The following RAP2A variants were observed in gnomAD, a reference collection of about 807,000 sequenced individuals.
RAP2A encodes RAP2A, member of RAS oncogene family.
RAP2A carries 5 observed loss-of-function variants against 15.1 expected under a neutral mutation model. The ratio of observed to expected loss-of-function variants is 0.33; its 90% CI spans 0.17 to 0.70. The LOEUF is 0.70. Ranked by LOEUF, RAP2A falls within the 30% of genes least tolerant of loss-of-function variation. The pLI is 0.68. For synonymous variants in RAP2A, 110 were observed against 99.7 expected (o/e 1.10, Z -0.62); for missense variants, 111 against 240.3 (o/e 0.46, Z 3.56).
intron 1 of RAP2A, among the ~76,000 whole-genome samples, chr13:97,459,501 C>T (rs1455919639): frequency 6.6e-6 from 1 of 152,162 alleles, no homozygotes; most frequent in African/African-American, 2.4e-5. Flanking sequence ...TGAGCATTTC[C>T]TCCACTGCCA....
intron 1 of RAP2A, among the ~76,000 whole-genome samples, chr13:97,448,094 G>A (rs966101939): frequency 5.9e-5 from 9 of 151,800 alleles, no homozygotes; most frequent in African/African-American, 2.2e-4. Context: ...AACAGAATAA[G>A]GAAAGCTACT....
At chr13:97,452,681 C>A (rs2066707667) in intron 1 of RAP2A, among the ~76,000 whole-genome samples, 1 of 150,394 alleles carries the variant, frequency 6.6e-6, no homozygotes, top group Admixed American at 6.6e-5. Context: ...ACCAACGGAA[C>A]CTTCTGGCAT....
intron 1 of RAP2A, among the ~76,000 whole-genome samples, chr13:97,439,380 C>T (rs1183799692): frequency 4.6e-5 from 7 of 152,048 alleles, no homozygotes; most frequent in African/African-American, 1.4e-4. Flanking sequence ...TGTGAAAATC[C>T]TGAATTAGCA....
intron 1 of RAP2A, among the ~76,000 whole-genome samples, chr13:97,453,829 T>C (rs2066712066): frequency 1.3e-5 from 2 of 151,168 alleles, no homozygotes; most frequent in African/African-American, 4.9e-5. Context: ...GCAATGTATC[T>C]AGTTTGCGTC....
intron 1 of RAP2A, among the ~76,000 whole-genome samples, chr13:97,462,817 GT>G (rs1248918594): frequency 6.6e-6 from 1 of 152,208 alleles, no homozygotes; most frequent in Non-Finnish European, 1.5e-5. Context: ...AAGAAAAAAA[GT>G]GAGAATGTTG....
At chr13:97,435,190 TCA>T (rs1443284201) in intron 1 of RAP2A, among the ~76,000 whole-genome samples, 6 of 152,162 alleles carry the variant, frequency 3.9e-5, no homozygotes, top group Admixed American at 3.3e-4. Context: ...TAAAAATCGC[TCA>T]CACACCTATA....
chr13:97,453,368 C>T (rs1355014368), intron 1 of RAP2A, among the ~76,000 whole-genome samples: 1 of 151,268 alleles, frequency 6.6e-6, no homozygotes, highest in African/African-American at 2.4e-5. Flanking sequence ...TTACTCCCCT[C>T]CTTCCTTCCA....
chr13:97,438,973 A>G (rs2066645639), intron 1 of RAP2A, among the ~76,000 whole-genome samples: 1 of 152,324 alleles, frequency 6.6e-6, no homozygotes, highest in Non-Finnish European at 1.5e-5. Context: ...GCAGATGGAG[A>G]TGATCTTCCT....
chr13:97,437,994 TCAAA>T (rs1407654375), intron 1 of RAP2A, among the ~76,000 whole-genome samples: 1 of 152,226 alleles, frequency 6.6e-6, no homozygotes, highest in Non-Finnish European at 1.5e-5. Flanking sequence ...TGACCTCTTG[TCAAA>T]GCCAAGTGGA....
chr13:97,457,871 A>G (rs1016206072), intron 1 of RAP2A, among the ~76,000 whole-genome samples: 1 of 151,762 alleles, frequency 6.6e-6, no homozygotes, highest in African/African-American at 2.4e-5. Flanking sequence ...AATTTGAGCA[A>G]GAGTAGGAGG....
chr13:97,445,874 C>G (rs557383081), intron 1 of RAP2A, among the ~76,000 whole-genome samples: 39 of 152,168 alleles, frequency 2.6e-4, no homozygotes, highest in Non-Finnish European at 5.3e-4. Context: ...AAAGGCTACT[C>G]TTGATGACAG....
chr13:97,461,314 G>A (rs966061132), intron 1 of RAP2A, among the ~76,000 whole-genome samples: 4 of 151,948 alleles, frequency 2.6e-5, no homozygotes, highest in East Asian at 1.9e-4. Context: ...TCTCAACATC[G>A]TACTCAGTTT....
chr13:97,464,575 A>G lies in RAP2A; in HGVS notation c.*133A>G. On this transcript the variant is annotated 3_prime_UTR_variant, in exon 2 of 2. Transcript: ENST00000245304. The stretch of plus-strand genomic sequence containing the variant: ...GAACTGCAGCCCTTATTCAGAATTG[A>G]GCAGTGATTGTCAGTTGATATCTCT... The G allele has an allele frequency of 1.2e-6, 1 of 828,194 alleles. No individual in the cohort carries two copies. Among genetic ancestry groups the G allele is most frequent in the South Asian group, 1.6e-5 (1 of 60,814 alleles). The allele number at this position is 828,194 out of a possible 1,614,324, so 51.3% of individuals were successfully genotyped here. A position where few individuals can be genotyped will look rare whatever the true frequency, so the allele number is the denominator to read the frequency against.
rs1019821798 is a variant in RAP2A, at chr13:97,466,401, C to T, written c.*1959C>T. The T allele has an allele frequency of 6.2e-4, 95 of 152,124 alleles. No homozygotes were observed. The highest frequency in any genetic ancestry group is 1.3e-4 in the Non-Finnish European group (9 of 67,990). The allele number at this position is 152,124 out of a possible 1,614,324, so 9.4% of individuals were successfully genotyped here. On this transcript the variant is annotated 3_prime_UTR_variant, in exon 2 of 2. Transcript: ENST00000245304. Reference sequence around the variant, plus strand: ...AAAAATTTAACCAATTTTATTGAAACGAATTTCACTGTGTAAAAGTTGGTT... The same window carrying T: ...AAAAATTTAACCAATTTTATTGAAATGAATTTCACTGTGTAAAAGTTGGTT...
intron 1 of RAP2A, among the ~76,000 whole-genome samples, chr13:97,449,074 CA>C (rs1255326261): frequency 6.6e-6 from 1 of 152,062 alleles, no homozygotes; most frequent in East Asian, 1.9e-4. Flanking sequence ...TTTAAGCCAA[CA>C]AAGTGACCGC....
At chr13:97,451,229 CT>C (rs945124594) in intron 1 of RAP2A, among the ~76,000 whole-genome samples, 3 of 152,030 alleles carry the variant, frequency 2.0e-5, no homozygotes, top group African/African-American at 7.2e-5. Flanking sequence ...TATAATCTTA[CT>C]GATTTTTTTT....
At position 97,456,977 on chromosome 13, in the gene RAP2A, G is replaced by A. The variant is rs541802173; in HGVS notation, c.315-7228G>A. ...CTAGCAAACTGTGGTAGAAGCCTTC[G>A]AGTCCTAACCAAAAACAATTCTTTC... On this transcript the variant is annotated intron_variant, in intron 1 of 1. Coordinates refer to ENST00000245304, the MANE Select transcript of RAP2A (RefSeq NM_021033.7). 1.5e-3 allele frequency among the ~76,000 whole-genome samples: 231 copies of A among 152,168 alleles called. 3 individuals carry two copies. The highest frequency in any genetic ancestry group is 0.012 in the South Asian group (56 of 4,824).
chr13:97,443,579 A>G (rs887779292), intron 1 of RAP2A, among the ~76,000 whole-genome samples: 1 of 152,096 alleles, frequency 6.6e-6, no homozygotes, highest in African/African-American at 2.4e-5. Flanking sequence ...TTTTCTAGAG[A>G]TGGGATCTTG....
intron 1 of RAP2A, among the ~76,000 whole-genome samples, chr13:97,457,111 T>G (rs2066726141): frequency 6.6e-6 from 1 of 152,106 alleles, no homozygotes; most frequent in Admixed American, 6.6e-5. Context: ...ACTATTGGTT[T>G]TAGTATAAAT....
Sources: allele counts gnomAD v4.1 joint callset (sites outside exome capture counted in the v4.1 genomes callset), GRCh38; gene constraint gnomAD v4.1.1; transcripts MANE v1.5; gene names NCBI Gene and HGNC (gene_info 2026-07-23, HGNC 2026-07-21).